TTC39C: variants seen among roughly 807,000 people sequenced by gnomAD.
TTC39C encodes the protein tetratricopeptide repeat protein 39C.
Under a neutral mutation model 76.3 loss-of-function variants are expected in TTC39C, and 33 were observed. The ratio of observed to expected loss-of-function variants is 0.43; its 90% CI spans 0.33 to 0.58. The LOEUF is 0.58. TTC39C is among the 20% of genes least tolerant of loss of function. The pLI is 0.04. For synonymous variants in TTC39C, 254 were observed against 260.6 expected (o/e 0.97, Z 0.24); for missense variants, 595 against 701.4 (o/e 0.85, Z 1.71).
At chr18:24,009,012 A>G (rs1189880849) in intron 1 of TTC39C, among the ~76,000 whole-genome samples, 1 of 152,204 alleles carries the variant, frequency 6.6e-6, no homozygotes. Context: ...GAACATATGG[A>G]CACAAAGAGG....
At chr18:24,105,988 G>A (rs1339249436) in intron 6 of TTC39C, among the ~76,000 whole-genome samples, 2 of 152,092 alleles carry the variant, frequency 1.3e-5, no homozygotes, top group African/African-American at 2.4e-5. Context: ...CTCTGTCTCC[G>A]CCTCCGCATG....
chr18:24,032,222 C>A (rs548257890), intron 1 of TTC39C, among the ~76,000 whole-genome samples: 2 of 152,330 alleles, frequency 1.3e-5, no homozygotes, highest in East Asian at 3.9e-4. Flanking sequence ...TAAGAGAATA[C>A]ATTTCTCTTG....
At chr18:24,094,500 C>G (rs577128206) in intron 6 of TTC39C, among the ~76,000 whole-genome samples, 1 of 152,368 alleles carries the variant, frequency 6.6e-6, no homozygotes, top group Non-Finnish European at 1.5e-5. Flanking sequence ...GAAGCCATGT[C>G]TATGGCAGCT....
At chr18:23,993,605 C>T (rs2083236944) in intron 1 of TTC39C, among the ~76,000 whole-genome samples, 2 of 152,258 alleles carry the variant, frequency 1.3e-5, no homozygotes, top group Middle Eastern at 6.8e-3. Flanking sequence ...GAAATGTAGG[C>T]CTCCAGCTGT....
chr18:24,127,346 G>C (rs183354549), intron 10 of TTC39C, among the ~76,000 whole-genome samples: 1 of 152,038 alleles, frequency 6.6e-6, no homozygotes, highest in South Asian at 2.1e-4. Flanking sequence ...ACTCTGCATC[G>C]TGCCCTCCCA....
chr18:24,070,671 C>G (rs193103296), intron 4 of TTC39C, among the ~76,000 whole-genome samples: 2 of 152,128 alleles, frequency 1.3e-5, no homozygotes, highest in Admixed American at 1.3e-4. Context: ...TGGTGAAACC[C>G]CGTCTCTACT....
At chr18:24,021,563 C>T (rs551326670) in intron 1 of TTC39C, among the ~76,000 whole-genome samples, 11 of 105,644 alleles carry the variant, frequency 1.0e-4, no homozygotes, top group African/African-American at 3.0e-4. Flanking sequence ...TTTTTTTTTC[C>T]GAGACAGAGT....
At chr18:24,049,904 CT>C (rs1474804797) in intron 1 of TTC39C, among the ~76,000 whole-genome samples, 1 of 152,158 alleles carries the variant, frequency 6.6e-6, no homozygotes, top group Non-Finnish European at 1.5e-5. Context: ...CTTAAATATC[CT>C]CTTACTAAAT....
chr18:24,056,191 G>A (rs1459484808), intron 1 of TTC39C, among the ~76,000 whole-genome samples: 2 of 152,114 alleles, frequency 1.3e-5, no homozygotes, highest in Non-Finnish European at 2.9e-5. Flanking sequence ...AGAGCAGCAG[G>A]GGTGAGTACA....
At chr18:24,081,935 C>G (rs937916331) in intron 5 of TTC39C, among the ~76,000 whole-genome samples, 1 of 151,370 alleles carries the variant, frequency 6.6e-6, no homozygotes, top group Non-Finnish European at 1.5e-5. Flanking sequence ...CATAAGAGAA[C>G]CAAATTTATA....
intron 1 of TTC39C, among the ~76,000 whole-genome samples, chr18:23,997,392 A>T (rs1470747929): frequency 6.6e-6 from 1 of 151,986 alleles, no homozygotes. Context: ...CCCTACTAAA[A>T]ATACGAAAAT....
chr18:24,019,866 T>C, intron 1 of TTC39C: 2 of 1,526,478 alleles, frequency 1.3e-6, no homozygotes, highest in Non-Finnish European at 1.7e-6. Flanking sequence ...ACAGAAAAAG[T>C]TTTTTGACTT....
intron 6 of TTC39C, among the ~76,000 whole-genome samples, chr18:24,090,902 G>A (rs933286090): frequency 3.4e-5 from 5 of 146,594 alleles, no homozygotes; most frequent in African/African-American, 1.3e-4. Flanking sequence ...CACCTCCCAG[G>A]TTCAAGCGAT....
intron 1 of TTC39C, among the ~76,000 whole-genome samples, chr18:24,024,002 A>C (rs1346094063): frequency 2.8e-3 from 12 of 4,230 alleles, no homozygotes; most frequent in South Asian, 9.4e-3. Flanking sequence ...ATATATATAT[A>C]TATATATATA....
intron 6 of TTC39C, among the ~76,000 whole-genome samples, chr18:24,094,439 G>C (rs375088221): frequency 1.9e-4 from 29 of 152,346 alleles, no homozygotes; most frequent in African/African-American, 7.0e-4. Flanking sequence ...GTTTACAATG[G>C]TAAATCCTTT....
chr18:24,134,257 G>GTTTTTTTTTTTTTTTTTTT lies in TTC39C; in HGVS notation c.*1689_*1690insTTTTTTTTTTTTTTTTTTT, dbSNP rs1182625147. On this transcript the variant is annotated 3_prime_UTR_variant, in exon 14 of 14. Transcript: ENST00000317571. ...TGGTGCCCAAAAATATTGGACATCT[G>GTTTTTTTTTTTTTTTTTTT]TTTTTTGTTTTTTTTTTTTTTTTTT... 1.6e-4 allele frequency: 8 copies of GTTTTTTTTTTTTTTTTTTT among 48,724 alleles called. 2 individuals carry two copies. Among genetic ancestry groups the GTTTTTTTTTTTTTTTTTTT allele is most frequent in the Non-Finnish European group, 1.8e-4 (4 of 21,830 alleles). The allele number at this position is 48,724 out of a possible 1,614,324, so 3.0% of individuals were successfully genotyped here.
At chr18:24,073,447 C>G (rs1032465034) in intron 4 of TTC39C, among the ~76,000 whole-genome samples, 3 of 152,162 alleles carry the variant, frequency 2.0e-5, no homozygotes, top group African/African-American at 7.2e-5. Flanking sequence ...ACCCCTACCC[C>G]CTTTATCTTT....
At chr18:24,095,701 A>G (rs2084579698) in intron 6 of TTC39C, among the ~76,000 whole-genome samples, 2 of 152,086 alleles carry the variant, frequency 1.3e-5, no homozygotes, top group African/African-American at 4.8e-5. Context: ...CTCCGCCTCA[A>G]AAAACAAACA....
chr18:24,123,391 T>C (rs1296347737), intron 8 of TTC39C, among the ~76,000 whole-genome samples: 2 of 115,090 alleles, frequency 1.7e-5, no homozygotes, highest in Admixed American at 1.9e-4. Flanking sequence ...TTTTTTTTGT[T>C]TGTTTGTTTG....
Sources: gnomAD v4.1 joint callset for allele counts (sites outside exome capture counted in the v4.1 genomes callset) on GRCh38, gnomAD v4.1.1 for gene constraint, MANE v1.5 for transcripts, NCBI Gene and HGNC (gene_info 2026-07-23, HGNC 2026-07-21) for gene names.